Variants in SMIM35 observed in about 807,000 individuals in gnomAD.
SMIM35 encodes the protein TMPRSS4 antisense RNA 1 (non-protein coding).
chr11:118,070,790 A>T (rs990352306), intron 1 of SMIM35, among the ~76,000 whole-genome samples: 4 of 152,198 alleles, frequency 2.6e-5, no homozygotes, highest in African/African-American at 9.7e-5. Context: ...AGGCAAACCC[A>T]GGCAGGACTC....
At chr11:118,009,551 G>T (rs1217467121) in intron 4 of SMIM35, among the ~76,000 whole-genome samples, 1 of 152,138 alleles carries the variant, frequency 6.6e-6, no homozygotes, top group Non-Finnish European at 1.5e-5. Context: ...GTCAAGGAAA[G>T]GCTAAGTAAT....
chr11:118,012,014 C>T (rs1232536888), intron 4 of SMIM35, among the ~76,000 whole-genome samples: 1 of 152,210 alleles, frequency 6.6e-6, no homozygotes, highest in Non-Finnish European at 1.5e-5. Context: ...AGGCTCCCCA[C>T]CTTCCTTCCT....
At chr11:118,022,032 CTTTT>C (rs761119844) in intron 1 of SMIM35, among the ~76,000 whole-genome samples, 1 of 120,666 alleles carries the variant, frequency 8.3e-6, no homozygotes, top group Admixed American at 8.9e-5. Context: ...AACAATAAGT[CTTTT>C]TTTTTTTTTT....
chr11:118,055,238 C>G (rs1591301925), intron 1 of SMIM35, among the ~76,000 whole-genome samples: 1 of 152,292 alleles, frequency 6.6e-6, no homozygotes, highest in East Asian at 1.9e-4. Context: ...TTGTGGCTGC[C>G]AAGGCCAGTT....
At chr11:118,078,976 T>C (rs941203617) in intron 1 of SMIM35, among the ~76,000 whole-genome samples, 1 of 152,096 alleles carries the variant, frequency 6.6e-6, no homozygotes, top group Admixed American at 6.5e-5. Context: ...GAGGAGTCTG[T>C]GCTAGGAAAT....
chr11:118,054,258 A>G (rs925305503), intron 1 of SMIM35, among the ~76,000 whole-genome samples: 3 of 151,908 alleles, frequency 2.0e-5, no homozygotes, highest in African/African-American at 7.3e-5. Flanking sequence ...CACCATGTCA[A>G]CTTTGTGTGG....
intron 1 of SMIM35, among the ~76,000 whole-genome samples, chr11:118,048,946 C>CAAAACAAAAAAAAAAAAA (rs1944158517): frequency 1.7e-5 from 1 of 60,490 alleles, no homozygotes; most frequent in Non-Finnish European, 3.0e-5. Context: ...TGAAGAGCTG[C>CAAAACAAAAAAAAAAAAA]AAAAAAAAAA....
chr11:118,054,677 T>C (rs941661611), intron 1 of SMIM35, among the ~76,000 whole-genome samples: 1 of 152,208 alleles, frequency 6.6e-6, no homozygotes, highest in Non-Finnish European at 1.5e-5. Flanking sequence ...CCTATTTTAT[T>C]GTGTAATGTA....
At chr11:118,051,866 T>TA (rs112200385) in intron 1 of SMIM35, among the ~76,000 whole-genome samples, 8 of 127,364 alleles carry the variant, frequency 6.3e-5, no homozygotes, top group African/African-American at 9.4e-5. Context: ...ATACTAATAC[T>TA]ATACTAATAC....
In SMIM35 at chr11:118,046,295, G is replaced by A. The variant is rs530894853; in HGVS notation, c.8-30486C>T. 5.3e-5 allele frequency among the ~76,000 whole-genome samples: 8 copies of A among 152,198 alleles called. No homozygotes were observed. In the South Asian group the frequency reaches 1.0e-3, roughly 20 times the overall value. On this transcript the variant is annotated intron_variant, in intron 1 of 4. Coordinates refer to ENST00000689828, the MANE Select transcript of SMIM35 (RefSeq NM_001394165.1). ...ATGACATAAAACAAGGCTCAGAGTC[G>A]GGCCCCTTTATCTTTAAGTGATGAT...
At chr11:118,065,035 C>T (rs1944450184) in intron 1 of SMIM35, among the ~76,000 whole-genome samples, 1 of 152,164 alleles carries the variant, frequency 6.6e-6, no homozygotes, top group South Asian at 2.1e-4. Flanking sequence ...TCCAGATATC[C>T]CAACTCAGAA....
intron 1 of SMIM35, chr11:118,028,970 T>G (rs901394705): frequency 5.0e-6 from 2 of 397,390 alleles, no homozygotes; most frequent in African/African-American, 4.2e-5. Flanking sequence ...GGCTATGTTG[T>G]TTCGGGTAAA....
At chr11:118,052,592 C>T (rs1055593313) in intron 1 of SMIM35, among the ~76,000 whole-genome samples, 1 of 152,094 alleles carries the variant, frequency 6.6e-6, no homozygotes, top group Admixed American at 6.5e-5. Context: ...GCCCTGGCTC[C>T]CACATAGAAT....
chr11:118,022,973 C>T (rs906509035), intron 1 of SMIM35, among the ~76,000 whole-genome samples: 4 of 150,788 alleles, frequency 2.7e-5, no homozygotes, highest in Admixed American at 2.0e-4. Context: ...TCTACTGCTC[C>T]GAACCCATCT....
intron 1 of SMIM35, among the ~76,000 whole-genome samples, chr11:118,080,986 C>G (rs905563489): frequency 6.6e-6 from 1 of 152,220 alleles, no homozygotes; most frequent in East Asian, 1.9e-4. Flanking sequence ...TCTTTTAAAC[C>G]TGTTGCCACC....
intron 1 of SMIM35, among the ~76,000 whole-genome samples, chr11:118,036,088 T>C (rs2058357669): frequency 6.6e-6 from 1 of 152,198 alleles, no homozygotes; most frequent in African/African-American, 2.4e-5. Context: ...GGTTTCACCA[T>C]GTTGGCCTGG....
At chr11:118,014,308 AGAAG>A (rs767900637) in intron 3 of SMIM35, among the ~76,000 whole-genome samples, 151 of 152,222 alleles carry the variant, frequency 9.9e-4, no homozygotes, top group Non-Finnish European at 1.6e-3. Flanking sequence ...AAGGAAGGAA[AGAAG>A]GAAGGAAGGA....
intron 1 of SMIM35, among the ~76,000 whole-genome samples, chr11:118,032,912 C>T (rs1188829630): frequency 1.3e-5 from 2 of 151,988 alleles, no homozygotes; most frequent in Non-Finnish European, 2.9e-5. Context: ...TGTCTCAAAA[C>T]AAAAAACAAC....
chr11:118,042,600 C>G (rs55730046), intron 1 of SMIM35, among the ~76,000 whole-genome samples: 5 of 152,066 alleles, frequency 3.3e-5, no homozygotes, highest in African/African-American at 1.2e-4. Context: ...CTTCCCAACT[C>G]ATTTTATAAG....
Sources: gnomAD v4.1 joint callset for allele counts (sites outside exome capture counted in the v4.1 genomes callset) on GRCh38, gnomAD v4.1.1 for gene constraint, MANE v1.5 for transcripts, NCBI Gene and HGNC (gene_info 2026-07-23, HGNC 2026-07-21) for gene names.